Variants in BBX observed in about 807,000 individuals in gnomAD.
BBX encodes HMG box transcription factor BBX.
Under a neutral mutation model 100.2 loss-of-function variants are expected in BBX, and 30 were observed. The observed-to-expected ratio is 0.30, with a 90% CI of 0.22 to 0.41. The LOEUF (loss-of-function observed/expected upper bound fraction) is 0.41. BBX is among the 10% of genes least tolerant of loss of function. BBX has a pLI of 1.00. For synonymous variants in BBX, 376 were observed against 388.1 expected (o/e 0.97, Z 0.37); for missense variants, 1,023 against 1,129.8 (o/e 0.91, Z 1.35).
intron 2 of BBX, among the ~76,000 whole-genome samples, chr3:107,612,589 A>T (rs999873368): frequency 6.6e-6 from 1 of 152,176 alleles, no homozygotes; most frequent in Non-Finnish European, 1.5e-5. Flanking sequence ...ACTTTCCCCC[A>T]AACAAGTGGA....
chr3:107,633,617 T>G (rs763352973), intron 2 of BBX, among the ~76,000 whole-genome samples: 4 of 152,224 alleles, frequency 2.6e-5, no homozygotes, highest in Non-Finnish European at 4.4e-5. Flanking sequence ...AATGTTAGAA[T>G]CTTAGACTCT....
chr3:107,781,732 T>C (rs908284252), intron 13 of BBX, among the ~76,000 whole-genome samples: 8 of 152,148 alleles, frequency 5.3e-5, no homozygotes, highest in African/African-American at 1.4e-4. Flanking sequence ...TCTTGACTTA[T>C]TAGACTCACT....
At chr3:107,656,587 T>C (rs2058157909) in intron 3 of BBX, among the ~76,000 whole-genome samples, 1 of 152,340 alleles carries the variant, frequency 6.6e-6, no homozygotes, top group South Asian at 2.1e-4. Flanking sequence ...TTGTGAGAGT[T>C]TGTGCTCTGG....
At chr3:107,527,365 A>G (rs1334876592) in intron 2 of BBX, among the ~76,000 whole-genome samples, 1 of 152,184 alleles carries the variant, frequency 6.6e-6, no homozygotes, top group Non-Finnish European at 1.5e-5. Flanking sequence ...ATGAACTTGA[A>G]CTTACTTTTC....
chr3:107,801,055 C>G (rs371052728), intron 16 of BBX, 40 bp from the exon 17 acceptor site: 15 of 1,575,514 alleles, frequency 9.5e-6, no homozygotes, highest in Non-Finnish European at 1.2e-5. Context: ...CTGGAGAGAA[C>G]AGAGTGATCC....
chr3:107,537,382 A>G (rs1041590198), intron 2 of BBX, among the ~76,000 whole-genome samples: 2 of 152,236 alleles, frequency 1.3e-5, no homozygotes, highest in African/African-American at 2.4e-5. Flanking sequence ...GTCCAAACAT[A>G]TGCCAATAAA....
chr3:107,713,635 G>A (rs2061877005), intron 4 of BBX, among the ~76,000 whole-genome samples: 1 of 152,214 alleles, frequency 6.6e-6, no homozygotes, highest in Non-Finnish European at 1.5e-5. Flanking sequence ...ATAGTTGGCA[G>A]AATGAAAAGT....
At chr3:107,634,363 A>G (rs894122551) in intron 2 of BBX, among the ~76,000 whole-genome samples, 4 of 152,178 alleles carry the variant, frequency 2.6e-5, no homozygotes, top group East Asian at 1.9e-4. Flanking sequence ...TCTCAGCTCT[A>G]TGTAGAATTA....
rs546747714 is a variant in BBX at position 107,600,795 on chromosome 3, T to C, written c.-83-45041T>C. Among the ~76,000 whole-genome samples the C allele has an allele frequency of 5.9e-4, 90 of 152,286 alleles. 1 individual carries two copies. The highest frequency in any genetic ancestry group is 2.1e-3 in the African/African-American group (88 of 41,570). ...GACGGAATCTGGGAAGTAAACCTAA[T>C]ACAGGCCTCTGAGGAGGACTCACCT... On this transcript the variant is annotated intron_variant, in intron 2 of 17. Coordinates refer to ENST00000325805, the MANE Select transcript of BBX (RefSeq NM_001142568.3).
chr3:107,770,426 C>T (rs1001960305), intron 10 of BBX, among the ~76,000 whole-genome samples: 3 of 152,032 alleles, frequency 2.0e-5, no homozygotes, highest in African/African-American at 7.3e-5. Context: ...TTCTCTCCCC[C>T]CACATGGGAT....
At chr3:107,575,165 A>G (rs2051677246) in intron 2 of BBX, among the ~76,000 whole-genome samples, 1 of 152,184 alleles carries the variant, frequency 6.6e-6, no homozygotes, top group Admixed American at 6.5e-5. Context: ...TAAAGAATTT[A>G]CTTTCTTTAC....
intron 2 of BBX, among the ~76,000 whole-genome samples, chr3:107,540,533 C>T (rs372568140): frequency 4.6e-5 from 7 of 152,194 alleles, no homozygotes; most frequent in African/African-American, 9.6e-5. Context: ...AATCCTGCTT[C>T]GAATGAAGCA....
intron 2 of BBX, among the ~76,000 whole-genome samples, chr3:107,559,678 G>C (rs1033325980): frequency 2.0e-5 from 3 of 152,200 alleles, no homozygotes; most frequent in African/African-American, 7.2e-5. Context: ...AAGCTAAAAG[G>C]GCTGATAATA....
chr3:107,578,251 G>A (rs1156237888), intron 2 of BBX, among the ~76,000 whole-genome samples: 1 of 152,190 alleles, frequency 6.6e-6, no homozygotes, highest in Non-Finnish European at 1.5e-5. Context: ...ACTGTAAGAG[G>A]GAGACATGGG....
chr3:107,789,818 C>A lies in BBX; in HGVS notation c.2235C>A (p.Phe745Leu). Residue 745 changes from phenylalanine (F) to leucine (L), a missense_variant, in exon 14 of 18, where the codon TTC becomes TTA. By Grantham distance (22) the Phe-to-Leu change is conservative. Around this residue, in one of 9 missense-constraint regions of BBX, gnomAD observed 215 missense variants for 211.3 expected, o/e 1.02. Transcript: ENST00000325805. ...GPFQSQKKNL[F>L]HKIVSKYKHK... Reference sequence around the variant, plus strand: ...TCCAGTCTCAGAAAAAGAACTTATTCCACAAAATTGTCAGCAAATATAAGC... The same window carrying A: ...TCCAGTCTCAGAAAAAGAACTTATTACACAAAATTGTCAGCAAATATAAGC... 1 of 1,549,164 alleles carries A rather than the reference C, an allele frequency of 6.5e-7. No individual in the cohort carries two copies. Among genetic ancestry groups the A allele is most frequent in the Non-Finnish European group, 8.7e-7 (1 of 1,145,124 alleles).
intron 2 of BBX, among the ~76,000 whole-genome samples, chr3:107,626,894 A>G (rs551745916): frequency 6.6e-6 from 1 of 152,166 alleles, no homozygotes; most frequent in South Asian, 2.1e-4. Flanking sequence ...ACCTCAAGTG[A>G]TCCGCCCGTC....
intron 2 of BBX, among the ~76,000 whole-genome samples, chr3:107,564,941 TA>T (rs1243707346): frequency 6.6e-6 from 1 of 152,184 alleles, no homozygotes; most frequent in African/African-American, 2.4e-5. Flanking sequence ...AAAGTTATCA[TA>T]AAATACTGAT....
chr3:107,735,036 T>C (rs2063550729), intron 7 of BBX, among the ~76,000 whole-genome samples: 1 of 152,170 alleles, frequency 6.6e-6, no homozygotes, highest in Admixed American at 6.5e-5. Flanking sequence ...CAACTCTTTC[T>C]TCATATTCAG....
chr3:107,681,007 A>G (rs889189710), intron 3 of BBX, among the ~76,000 whole-genome samples: 6 of 152,140 alleles, frequency 3.9e-5, no homozygotes, highest in East Asian at 1.9e-4. Flanking sequence ...CATAGAGGGT[A>G]TAGCGATTGA....
Sources: gnomAD v4.1 joint callset for allele counts (sites outside exome capture counted in the v4.1 genomes callset) on GRCh38, gnomAD v4.1.1 for gene constraint, gnomAD v4.1.1 regional missense constraint, MANE v1.5 for transcripts, NCBI Gene and HGNC (gene_info 2026-07-23, HGNC 2026-07-21) for gene names.